GRXCR1: variants seen among roughly 807,000 people sequenced by gnomAD.
The protein encoded by GRXCR1 is glutaredoxin and cysteine rich domain containing 1.
In GRXCR1, 27 loss-of-function variants were observed where a neutral mutation model predicts 27.3. The ratio of observed to expected loss-of-function variants is 0.99; its 90% CI spans 0.73 to 1.37. The LOEUF is 1.37. Ranked by LOEUF, GRXCR1 falls within the 40% of genes most tolerant of loss-of-function variation. GRXCR1 has a pLI of 0.00. For synonymous variants in GRXCR1, 122 were observed against 131.1 expected, an observed-to-expected ratio of 0.93 and a Z score of 0.47; for missense variants, 379 against 354.4, an observed-to-expected ratio of 1.07 and a Z score of -0.56.
In GRXCR1 at chr4:42,893,378, C is replaced by A. The variant is rs753651890; in HGVS notation, c.112C>A (p.Pro38Thr). 2 of 1,613,830 alleles carry A rather than the reference C, an allele frequency of 1.2e-6. No individual in the cohort carries two copies. The highest frequency in any genetic ancestry group is 1.7e-6 in the Non-Finnish European group (2 of 1,179,818). Residue 38 changes from proline (P) to threonine (T), a missense_variant, in exon 1 of 4, where the codon CCG becomes ACG. Pro to Thr is a conservative substitution (Grantham distance 38). Transcript: ENST00000399770. The part of the protein sequence containing the change: ...VLKEVYEDGQ[P>T]SGSLDSECAS... ...GAAGGAAGTGTATGAAGATGGGCAA[C>A]CGTCAGGCTCTCTGGATTCTGAATG...
intron 1 of GRXCR1, among the ~76,000 whole-genome samples, chr4:42,960,470 T>A (rs1748106239): frequency 6.6e-6 from 1 of 151,916 alleles, no homozygotes; most frequent in South Asian, 2.1e-4. Context: ...CCTCTAAAGA[T>A]CAGTGTTTCT....
chr4:42,908,171 T>C (rs1019009168), intron 1 of GRXCR1, among the ~76,000 whole-genome samples: 2 of 152,206 alleles, frequency 1.3e-5, no homozygotes, highest in African/African-American at 4.8e-5. Flanking sequence ...TATTGCTCAC[T>C]TGAGCTCTCT....
intron 1 of GRXCR1, among the ~76,000 whole-genome samples, chr4:42,897,625 G>GA (rs1181785027): frequency 2.0e-5 from 3 of 151,592 alleles, no homozygotes; most frequent in African/African-American, 4.8e-5. Context: ...TATGTTTGTG[G>GA]AAAAACCTAA....
At position 42,987,248 on chromosome 4, in the gene GRXCR1, A is replaced by AT. The variant is rs370379241; in HGVS notation, c.627+24114_627+24115insT. ...TATATATTATATATATATAATATAT[A>AT]ATATATATATATAATATATATATAT... is the stretch of plus-strand genomic sequence containing the variant. On this transcript the variant is annotated intron_variant, in intron 2 of 3. Transcript: ENST00000399770. Among the ~76,000 whole-genome samples, 323 of 67,450 alleles carry AT rather than the reference A, an allele frequency of 4.8e-3. 4 individuals carry two copies. The highest frequency in any genetic ancestry group is 0.016 in the African/African-American group (309 of 18,998). The allele number at this position is 67,450 out of a possible 152,430, so 44.2% of individuals were successfully genotyped here. A position where few individuals can be genotyped will look rare whatever the true frequency, so the allele number is the denominator to read the frequency against.
chr4:42,989,987 T>C (rs10013497), intron 2 of GRXCR1, among the ~76,000 whole-genome samples: 2,420 of 151,940 alleles, frequency 0.016, 72 homozygotes, highest in African/African-American at 0.054. Context: ...TATTTAATAA[T>C]TGAAGAAAGT....
intron 2 of GRXCR1, among the ~76,000 whole-genome samples, chr4:42,987,260 T>TA (rs1425382879): frequency 5.5e-5 from 4 of 73,266 alleles, no homozygotes; most frequent in South Asian, 3.7e-4. Context: ...TATATATATA[T>TA]AATATATATA....
chr4:42,912,114 G>A (rs1746734192), intron 1 of GRXCR1, among the ~76,000 whole-genome samples: 1 of 152,008 alleles, frequency 6.6e-6, no homozygotes. Context: ...TCCAGGTATA[G>A]TTATCAGAGC....
At chr4:42,941,358 C>G (rs1043447488) in intron 1 of GRXCR1, among the ~76,000 whole-genome samples, 2 of 151,920 alleles carry the variant, frequency 1.3e-5, no homozygotes, top group African/African-American at 2.4e-5. Flanking sequence ...TTGTAAGTAA[C>G]CTGAAGGCTA....
rs112846165 is a variant in GRXCR1 at position 42,971,791 on chromosome 4, C to CA, written c.627+8667dup. 9.1e-3 allele frequency among the ~76,000 whole-genome samples: 1,332 copies of CA among 147,148 alleles called. 21 individuals are homozygous for CA. The highest frequency in any genetic ancestry group is 0.027 in the African/African-American group (1,080 of 40,300). On this transcript the variant is annotated intron_variant, in intron 2 of 3. Coordinates refer to ENST00000399770, the MANE Select transcript of GRXCR1 (RefSeq NM_001080476.3). ...CTGTACCTTTCCAAATCTCATGTCTCAAAAAAAAAATGCTCAAAGACAGCT... is the reference window on the plus strand; with the variant it reads ...CTGTACCTTTCCAAATCTCATGTCTCAAAAAAAAAAATGCTCAAAGACAGCT...
intron 2 of GRXCR1, among the ~76,000 whole-genome samples, chr4:42,980,700 T>C (rs562242950): frequency 5.3e-5 from 8 of 152,198 alleles, no homozygotes; most frequent in South Asian, 2.1e-4. Context: ...ATTTTCTGTC[T>C]GGATAATCTG....
rs1455538054 is a variant in GRXCR1, at chr4:42,938,524, T to C, written c.385-24368T>C. On this transcript the variant is annotated intron_variant, in intron 1 of 3. Transcript: ENST00000399770. ...TAAGGAACCTCTACACTGTTCTCTA[T>C]AGTGGTTGTACTCATGGTTCCCTCT... Among the ~76,000 whole-genome samples the C allele has an allele frequency of 2.6e-5, 4 of 152,134 alleles. No homozygotes were observed. The East Asian group carries it at 5.8e-4, about 22-fold the overall frequency.
At chr4:43,010,921 A>C (rs1310687927) in intron 2 of GRXCR1, among the ~76,000 whole-genome samples, 1 of 151,902 alleles carries the variant, frequency 6.6e-6, no homozygotes, top group Non-Finnish European at 1.5e-5. Context: ...TACATGATAG[A>C]AATATTTTTC....
At chr4:42,992,686 C>T (rs10008690) in intron 2 of GRXCR1, among the ~76,000 whole-genome samples, 2,361 of 151,968 alleles carry the variant, frequency 0.016, 71 homozygotes, top group African/African-American at 0.054. Flanking sequence ...TCCAAGCATA[C>T]GACATGGTAA....
intron 2 of GRXCR1, among the ~76,000 whole-genome samples, chr4:42,968,403 T>C (rs1163963900): frequency 6.6e-6 from 1 of 152,176 alleles, no homozygotes; most frequent in Non-Finnish European, 1.5e-5. Context: ...ATTTTTAGGC[T>C]AGATGACTAT....
chr4:43,017,178 C>T (rs902945836), intron 2 of GRXCR1, among the ~76,000 whole-genome samples: 2 of 152,158 alleles, frequency 1.3e-5, no homozygotes, highest in Non-Finnish European at 2.9e-5. Context: ...TCATTCTGGG[C>T]GTGGAGTCAC....
At chr4:42,978,824 C>A (rs192346900) in intron 2 of GRXCR1, among the ~76,000 whole-genome samples, 4 of 150,972 alleles carry the variant, frequency 2.6e-5, no homozygotes, top group South Asian at 2.1e-4. Context: ...TCCCTATAAT[C>A]CCCCTGGTCA....
At chr4:42,923,205 C>CT (rs1294379708) in intron 1 of GRXCR1, among the ~76,000 whole-genome samples, 1 of 152,100 alleles carries the variant, frequency 6.6e-6, no homozygotes, top group African/African-American at 2.4e-5. Context: ...AGGCTAACAA[C>CT]TGCCTACTCA....
chr4:43,001,149 C>T (rs1028302046), intron 2 of GRXCR1, among the ~76,000 whole-genome samples: 1 of 149,570 alleles, frequency 6.7e-6, no homozygotes, highest in Non-Finnish European at 1.5e-5. Flanking sequence ...CAACTTCTAT[C>T]TTTTAAAGAC....
intron 1 of GRXCR1, among the ~76,000 whole-genome samples, chr4:42,913,509 G>C (rs1421595475): frequency 6.6e-6 from 1 of 152,174 alleles, no homozygotes; most frequent in Non-Finnish European, 1.5e-5. Context: ...TTTAGATTTA[G>C]GTTATCTGGC....
Sources: gnomAD v4.1 joint callset for allele counts (sites outside exome capture counted in the v4.1 genomes callset) on GRCh38, gnomAD v4.1.1 for gene constraint, MANE v1.5 for transcripts, NCBI Gene and HGNC (gene_info 2026-07-23, HGNC 2026-07-21) for gene names.